The following EYA4 variants were observed in gnomAD, a reference collection of about 807,000 sequenced individuals.
EYA4 encodes EYA transcriptional coactivator and phosphatase 4.
In EYA4, 31 loss-of-function variants were observed where a neutral mutation model predicts 87.9. That is an observed-to-expected ratio of 0.35 (90% CI 0.27 to 0.48). EYA4 has a LOEUF of 0.48. EYA4 is among the 20% of genes least tolerant of loss of function. EYA4 has a pLI of 0.99. For synonymous variants in EYA4, 263 were observed against 270.6 expected, an observed-to-expected ratio of 0.97 and a Z score of 0.28; for missense variants, 678 against 761.4, an observed-to-expected ratio of 0.89 and a Z score of 1.29.
At chr6:133,384,101 T>G (rs914830293) in intron 3 of EYA4, among the ~76,000 whole-genome samples, 1 of 152,182 alleles carries the variant, frequency 6.6e-6, no homozygotes, top group African/African-American at 2.4e-5. Flanking sequence ...TACTCAGGAT[T>G]TTTGGGCAGA....
At chr6:133,411,614 TG>T (rs1298703808) in intron 3 of EYA4, among the ~76,000 whole-genome samples, 5 of 152,206 alleles carry the variant, frequency 3.3e-5, no homozygotes, top group Non-Finnish European at 4.4e-5. Context: ...ATAAAATGTA[TG>T]ACTCAGTCTA....
chr6:133,351,401 C>A (rs1783630742), intron 2 of EYA4, among the ~76,000 whole-genome samples: 1 of 152,136 alleles, frequency 6.6e-6, no homozygotes, highest in Non-Finnish European at 1.5e-5. Flanking sequence ...GCAGTTCAGT[C>A]TTTAGCAACT....
chr6:133,487,562 A>G (rs1203964735), intron 13 of EYA4, among the ~76,000 whole-genome samples: 1 of 152,226 alleles, frequency 6.6e-6, no homozygotes, highest in Non-Finnish European at 1.5e-5. Flanking sequence ...AAAGGGCACC[A>G]GGCAGAGTCC....
chr6:133,320,400 TAG>T (rs1280516613), intron 2 of EYA4, among the ~76,000 whole-genome samples: 1 of 152,092 alleles, frequency 6.6e-6, no homozygotes, highest in Non-Finnish European at 1.5e-5. Context: ...CATTGTTAAT[TAG>T]AGTTTGGTTT....
At position 133,288,327 on chromosome 6, in the gene EYA4, G is replaced by A. The variant is rs189200327; in HGVS notation, c.33+13514G>A. On this transcript the variant is annotated intron_variant, in intron 2 of 19. Transcript: ENST00000355286. ...ACATGATGGTGGAAAGAAAGACATC[G>A]AGTAAAGAATCAATAAAAGGAACTT... 3.9e-5 allele frequency among the ~76,000 whole-genome samples: 6 copies of A among 152,268 alleles called. No individual in the cohort carries two copies. The East Asian group carries it at 9.6e-4, about 24-fold the overall frequency.
intron 14 of EYA4, 151 bp downstream of exon 14, chr6:133,506,346 C>A (rs1798620723): frequency 3.5e-6 from 2 of 573,022 alleles, no homozygotes; most frequent in Non-Finnish European, 6.2e-6. Flanking sequence ...ATTGTATATA[C>A]AAATATAAGC....
At chr6:133,522,672 ACT>A (rs1175037876) in intron 17 of EYA4, among the ~76,000 whole-genome samples, 1 of 152,176 alleles carries the variant, frequency 6.6e-6, no homozygotes. Context: ...AAGAAATGTA[ACT>A]CTGAATATCA....
At chr6:133,410,602 AC>A (rs769514748) in intron 3 of EYA4, among the ~76,000 whole-genome samples, 1 of 85,272 alleles carries the variant, frequency 1.2e-5, no homozygotes, top group African/African-American at 2.7e-5. Flanking sequence ...AAAAAAAAAA[AC>A]TTCTGTATTT....
intron 2 of EYA4, among the ~76,000 whole-genome samples, chr6:133,297,510 C>T (rs180997320): frequency 2.5e-4 from 38 of 152,280 alleles, no homozygotes; most frequent in African/African-American, 9.1e-4. Context: ...AGGGTGCAGC[C>T]CTTCAGGGAA....
intron 10 of EYA4, among the ~76,000 whole-genome samples, chr6:133,467,910 C>T (rs1027233450): frequency 6.6e-6 from 1 of 151,858 alleles, no homozygotes; most frequent in Non-Finnish European, 1.5e-5. Flanking sequence ...GGTGTTGATT[C>T]AGTGCTTTCA....
chr6:133,462,730 G>C lies in EYA4; in HGVS notation c.690G>C (p.Gln230His), dbSNP rs1794510019. The change falls in exon 9 of 20, where the codon CAG becomes CAC. Residue 230 changes from glutamine to histidine, a missense_variant. Gln to His is a conservative substitution (Grantham distance 24, BLOSUM62 0). Coordinates refer to ENST00000355286, the MANE Select transcript of EYA4 (RefSeq NM_004100.5). Reference sequence around the variant, plus strand: ...ACAGCCCAGGGTTCTCTACCCCACAGCCAGGCCAGACACCTTATTCTTACC... The same window carrying C: ...ACAGCCCAGGGTTCTCTACCCCACACCCAGGCCAGACACCTTATTCTTACC... ...LSYSPGFSTP[Q>H]PGQTPYSYQM... 1.9e-6 allele frequency: 3 copies of C among 1,613,752 alleles called. No individual in the cohort carries two copies. In the African/African-American group the frequency reaches 4.0e-5, roughly 22 times the overall value.
intron 2 of EYA4, among the ~76,000 whole-genome samples, chr6:133,356,020 AG>A (rs1230684698): frequency 6.8e-6 from 1 of 147,572 alleles, no homozygotes; most frequent in Admixed American, 6.8e-5. Context: ...CTTGGGGGTT[AG>A]GGGTGGGGAG....
chr6:133,497,032 A>G (rs1189301229), intron 13 of EYA4, among the ~76,000 whole-genome samples: 2 of 152,150 alleles, frequency 1.3e-5, no homozygotes, highest in East Asian at 3.9e-4. Context: ...TTAGTGGGCA[A>G]TACTGAGTAT....
At chr6:133,509,076 A>T (rs2128769566) in intron 14 of EYA4, among the ~76,000 whole-genome samples, 1 of 152,306 alleles carries the variant, frequency 6.6e-6, no homozygotes, top group South Asian at 2.1e-4. Flanking sequence ...GTGCCCAAGG[A>T]AACATAAATG....
At chr6:133,463,988 C>G (rs1391347687) in intron 9 of EYA4, among the ~76,000 whole-genome samples, 1 of 151,074 alleles carries the variant, frequency 6.6e-6, no homozygotes, top group Non-Finnish European at 1.5e-5. Flanking sequence ...CGAATACTTT[C>G]ATACTGGTTA....
At chr6:133,259,450 G>A (rs528740121) in intron 1 of EYA4, among the ~76,000 whole-genome samples, 2 of 152,208 alleles carry the variant, frequency 1.3e-5, no homozygotes, top group African/African-American at 4.8e-5. Flanking sequence ...AAGCTATAAG[G>A]GCAGTTTTTG....
intron 2 of EYA4, among the ~76,000 whole-genome samples, chr6:133,332,851 C>T (rs1178330043): frequency 6.6e-6 from 1 of 151,840 alleles, no homozygotes. Context: ...CATGAACCAC[C>T]GCGCCCAGCC....
chr6:133,530,960 TA>T lies in EYA4; in HGVS notation c.*2158del. The T allele has an allele frequency of 8.1e-7, 1 of 1,240,220 alleles. No homozygotes were observed. The highest frequency in any genetic ancestry group is 1.0e-6 in the Non-Finnish European group (1 of 988,984). 76.8% of individuals were successfully genotyped at this position (1,240,220 alleles called of 1,614,324 possible). On this transcript the variant is annotated 3_prime_UTR_variant, in exon 20 of 20. Coordinates refer to ENST00000355286, the MANE Select transcript of EYA4 (RefSeq NM_004100.5). The stretch of plus-strand genomic sequence containing the variant: ...TTAATTATGTTGTGCACTAAAACCT[TA>T]AATATTTATTACTGTGAATAAAAAC...
chr6:133,488,108 T>C (rs1796834727), intron 13 of EYA4, among the ~76,000 whole-genome samples: 1 of 152,170 alleles, frequency 6.6e-6, no homozygotes, highest in Non-Finnish European at 1.5e-5. Context: ...TTACTTGCCA[T>C]GGGCCTGGAG....
Sources: allele counts gnomAD v4.1 joint callset (sites outside exome capture counted in the v4.1 genomes callset), GRCh38; gene constraint gnomAD v4.1.1; transcripts MANE v1.5; gene names NCBI Gene and HGNC (gene_info 2026-07-23, HGNC 2026-07-21).